EPHB2: variants seen among roughly 807,000 people sequenced by gnomAD.
EPHB2 encodes EPH receptor B2, also known as ephrin type-B receptor 2.
In EPHB2, 18 loss-of-function variants were observed where a neutral mutation model predicts 96.4. The ratio of observed to expected loss-of-function variants is 0.19; its 90% CI spans 0.13 to 0.28. The LOEUF (loss-of-function observed/expected upper bound fraction) is 0.28, where lower values mean the gene tolerates loss of function less well. Among genes scored for constraint, EPHB2 ranks in the 10% least tolerant of loss-of-function variants. EPHB2 has a pLI of 1.00. For synonymous variants in EPHB2, 506 were observed against 534.1 expected, an observed-to-expected ratio of 0.95 and a Z score of 0.72; for missense variants, 989 against 1,355.4, an observed-to-expected ratio of 0.73 and a Z score of 4.25.
At chr1:22,752,001 G>A (rs1407426718) in intron 1 of EPHB2, among the ~76,000 whole-genome samples, 1 of 152,214 alleles carries the variant, frequency 6.6e-6, no homozygotes, top group Non-Finnish European at 1.5e-5. Flanking sequence ...CACAGGCTTT[G>A]GATTTGGGCG....
chr1:22,870,978 A>G (rs1292592563), intron 5 of EPHB2, among the ~76,000 whole-genome samples: 1 of 152,226 alleles, frequency 6.6e-6, no homozygotes, highest in Non-Finnish European at 1.5e-5. Context: ...TGGCACAGGT[A>G]GGCGCCTAAA....
intron 3 of EPHB2, among the ~76,000 whole-genome samples, chr1:22,848,353 A>G (rs1294669948): frequency 6.6e-6 from 1 of 152,116 alleles, no homozygotes; most frequent in Non-Finnish European, 1.5e-5. Flanking sequence ...ACTCAGAGAT[A>G]GTGGAAAACA....
rs571602341 is a variant in EPHB2 at position 22,888,498 on chromosome 1, G to A, written c.1429-4386G>A. Among the ~76,000 whole-genome samples, 4 of 152,310 alleles carry A rather than the reference G, an allele frequency of 2.6e-5. No homozygotes were observed. The East Asian group carries it at 7.7e-4, about 29-fold the overall frequency. On this transcript the variant is annotated intron_variant, in intron 6 of 15. Transcript: ENST00000374630. ...CCTACTTGCATTAACCCACTTTAGA[G>A]ATGAGAAAACTGAGGCCTGGAAGGC...
chr1:22,894,457 C>T (rs561225217), intron 7 of EPHB2, among the ~76,000 whole-genome samples: 2 of 152,054 alleles, frequency 1.3e-5, no homozygotes, highest in South Asian at 2.1e-4. Flanking sequence ...ATCAGCTGGG[C>T]GTGATGGCAG....
intron 3 of EPHB2, among the ~76,000 whole-genome samples, chr1:22,792,847 G>T (rs1443773585): frequency 6.6e-6 from 1 of 152,200 alleles, no homozygotes; most frequent in Non-Finnish European, 1.5e-5. Context: ...GACTGGGGTT[G>T]TGCTGAGGAA....
At chr1:22,905,048 G>A (rs542999379) in intron 9 of EPHB2, among the ~76,000 whole-genome samples, 38 of 152,320 alleles carry the variant, frequency 2.5e-4, no homozygotes, top group Non-Finnish European at 4.1e-4. Context: ...GGACTGGGAG[G>A]TCTGGATGTT....
chr1:22,751,643 T>G (rs1644064975), intron 1 of EPHB2, among the ~76,000 whole-genome samples: 1 of 152,224 alleles, frequency 6.6e-6, no homozygotes, highest in African/African-American at 2.4e-5. Context: ...GTCCTGGTTC[T>G]GCCGTATACC....
chr1:22,877,618 AAG>A (rs1638884951), intron 5 of EPHB2, among the ~76,000 whole-genome samples: 1 of 152,112 alleles, frequency 6.6e-6, no homozygotes, highest in Admixed American at 6.6e-5. Context: ...GCCGTATATA[AAG>A]AGTGTAGCCC....
chr1:22,839,566 A>G (rs549487617), intron 3 of EPHB2, among the ~76,000 whole-genome samples: 3 of 152,330 alleles, frequency 2.0e-5, no homozygotes, highest in East Asian at 3.9e-4. Context: ...CAACCTGGCT[A>G]TTCAAGGACA....
intron 1 of EPHB2, among the ~76,000 whole-genome samples, chr1:22,780,855 A>AG (rs1460614716): frequency 6.6e-6 from 1 of 152,020 alleles, no homozygotes; most frequent in Non-Finnish European, 1.5e-5. Context: ...CTTGGCCTGG[A>AG]GGGGCGGGGC....
intron 7 of EPHB2, among the ~76,000 whole-genome samples, chr1:22,894,521 C>CG (rs1219005839): frequency 4.6e-5 from 7 of 150,940 alleles, no homozygotes; most frequent in African/African-American, 7.3e-5. Flanking sequence ...CGCTTGAACC[C>CG]GGGAAGCAGA....
intron 1 of EPHB2, among the ~76,000 whole-genome samples, chr1:22,764,508 G>A (rs1187882173): frequency 6.6e-6 from 1 of 152,178 alleles, no homozygotes; most frequent in African/African-American, 2.4e-5. Flanking sequence ...CACTTTGGGA[G>A]GCCGAGCCAG....
chr1:22,747,981 G>A (rs1438921860), intron 1 of EPHB2, among the ~76,000 whole-genome samples: 1 of 152,142 alleles, frequency 6.6e-6, no homozygotes, highest in Admixed American at 6.5e-5. Flanking sequence ...CACATTTAAG[G>A]GCCTGGCAGG....
intron 4 of EPHB2, 118 bp downstream of exon 4, chr1:22,863,310 G>T: frequency 6.5e-7 from 1 of 1,531,366 alleles, no homozygotes. Context: ...CTGGTGGGAA[G>T]AGAAATGGAA....
At chr1:22,847,075 C>G (rs982448551) in intron 3 of EPHB2, among the ~76,000 whole-genome samples, 1 of 152,234 alleles carries the variant, frequency 6.6e-6, no homozygotes, top group Non-Finnish European at 1.5e-5. Context: ...GAGTGGGTTA[C>G]TCAGCCCCGC....
intron 3 of EPHB2, among the ~76,000 whole-genome samples, chr1:22,841,253 G>A (rs1352472179): frequency 6.6e-6 from 1 of 152,206 alleles, no homozygotes; most frequent in Non-Finnish European, 1.5e-5. Context: ...CTAAGTAGTT[G>A]TCATGGTCAG....
intron 3 of EPHB2, among the ~76,000 whole-genome samples, chr1:22,812,609 G>A (rs775014437): frequency 7.9e-5 from 12 of 152,182 alleles, no homozygotes; most frequent in Admixed American, 1.3e-4. Context: ...GGAGAGGGAC[G>A]TGGCCCCACA....
intron 1 of EPHB2, among the ~76,000 whole-genome samples, chr1:22,757,665 C>T (rs1268546731): frequency 6.6e-6 from 1 of 152,056 alleles, no homozygotes; most frequent in Admixed American, 6.6e-5. Flanking sequence ...AGTTCAAGAC[C>T]AGCCTGGGTA....
At chr1:22,814,119 G>A (rs1410338273) in intron 3 of EPHB2, among the ~76,000 whole-genome samples, 4 of 152,184 alleles carry the variant, frequency 2.6e-5, no homozygotes, top group East Asian at 3.9e-4. Context: ...GCAGTGAGCC[G>A]AGATCGCGCC....
Sources: gnomAD v4.1 joint callset for allele counts (sites outside exome capture counted in the v4.1 genomes callset) on GRCh38, gnomAD v4.1.1 for gene constraint, MANE v1.5 for transcripts, NCBI Gene and HGNC (gene_info 2026-07-23, HGNC 2026-07-21) for gene names.